The following SNAP91 variants were observed in gnomAD, a reference collection of about 807,000 sequenced individuals.
The protein encoded by SNAP91 is clathrin coat assembly protein AP180.
In SNAP91, 27 loss-of-function variants were observed where a neutral mutation model predicts 100.3. The ratio of observed to expected loss-of-function variants is 0.27; its 90% CI spans 0.20 to 0.37. The LOEUF (loss-of-function observed/expected upper bound fraction) is 0.37. Ranked by LOEUF, SNAP91 falls within the 10% of genes least tolerant of loss-of-function variation. The probability of loss-of-function intolerance (pLI) is 1.00; values close to 1 mark genes in which losing one functional copy is unlikely to be tolerated. For synonymous variants in SNAP91, 404 were observed against 398.6 expected, an observed-to-expected ratio of 1.01 and a Z score of -0.16; for missense variants, 986 against 1,123.7, an observed-to-expected ratio of 0.88 and a Z score of 1.75.
chr6:83,558,538 C>G (rs1257228852), intron 28 of SNAP91, among the ~76,000 whole-genome samples: 2 of 152,196 alleles, frequency 1.3e-5, no homozygotes, highest in African/African-American at 2.4e-5. Context: ...TTCTCTTGGT[C>G]CCTGTTGCTT....
At chr6:83,587,083 A>G (rs1379830795) in intron 22 of SNAP91, among the ~76,000 whole-genome samples, 1 of 152,194 alleles carries the variant, frequency 6.6e-6, no homozygotes, top group African/African-American at 2.4e-5. Flanking sequence ...AAGACTATCT[A>G]GTTAGTCTTT....
intron 29 of SNAP91, among the ~76,000 whole-genome samples, chr6:83,554,803 TG>T (rs1050585015): frequency 6.6e-6 from 1 of 152,196 alleles, no homozygotes; most frequent in Non-Finnish European, 1.5e-5. Flanking sequence ...CTCATCTCCC[TG>T]GCTAATTCAT....
At chr6:83,699,782 C>A (rs187513096) in intron 2 of SNAP91, among the ~76,000 whole-genome samples, 2 of 152,208 alleles carry the variant, frequency 1.3e-5, no homozygotes, top group East Asian at 3.9e-4. Context: ...TGAATGCAGC[C>A]CCCGTCAAAC....
chr6:83,597,411 C>T (rs1398116394), intron 16 of SNAP91, among the ~76,000 whole-genome samples: 1 of 152,288 alleles, frequency 6.6e-6, no homozygotes, highest in African/African-American at 2.4e-5. Context: ...GCAGCATTAT[C>T]TTTCCAGTAT....
intron 2 of SNAP91, among the ~76,000 whole-genome samples, chr6:83,670,244 C>CTTT (rs34522653): frequency 1.3e-4 from 19 of 140,760 alleles, no homozygotes; most frequent in South Asian, 2.2e-4. Flanking sequence ...TGATATGGTC[C>CTTT]TTTTTTTTTT....
chr6:83,612,311 T>G lies in SNAP91; in HGVS notation c.885-1634A>C, dbSNP rs560813484. Among the ~76,000 whole-genome samples, 163 of 152,258 alleles carry G rather than the reference T, an allele frequency of 1.1e-3. 4 individuals carry two copies. In the South Asian group the frequency reaches 0.033, roughly 30 times the overall value. ...ATTCCTTAAGAACCTAAAAATCTAG[T>G]ACAGCATACGGTGGGAAATGTCCTA... is the stretch of plus-strand genomic sequence containing the variant. On this transcript the variant is annotated intron_variant, in intron 11 of 29. Coordinates refer to ENST00000369694, the MANE Select transcript of SNAP91 (RefSeq NM_001242792.2).
At chr6:83,624,406 G>C (rs1266233226) in intron 8 of SNAP91, among the ~76,000 whole-genome samples, 1 of 152,068 alleles carries the variant, frequency 6.6e-6, no homozygotes, top group Non-Finnish European at 1.5e-5. Flanking sequence ...GTATCTCCTT[G>C]AGAAATGAAG....
At chr6:83,693,529 AC>A (rs2099158087) in intron 2 of SNAP91, among the ~76,000 whole-genome samples, 1 of 152,234 alleles carries the variant, frequency 6.6e-6, no homozygotes, top group Admixed American at 6.5e-5. Context: ...TTTCTTGGGT[AC>A]TAATATGCTT....
chr6:83,606,685 T>C (rs1179176453), intron 13 of SNAP91, among the ~76,000 whole-genome samples: 2 of 152,210 alleles, frequency 1.3e-5, no homozygotes, highest in African/African-American at 4.8e-5. Context: ...AGCAGTTTCA[T>C]CTTTATCTTT....
At chr6:83,608,481 G>T (rs1330541688) in intron 12 of SNAP91, among the ~76,000 whole-genome samples, 1 of 151,990 alleles carries the variant, frequency 6.6e-6, no homozygotes, top group Non-Finnish European at 1.5e-5. Flanking sequence ...AAACAATTTT[G>T]TCTGGTATAT....
At chr6:83,559,954 T>C in intron 28 of SNAP91, 150 bp downstream of exon 28, 1 of 665,142 alleles carries the variant, frequency 1.5e-6, no homozygotes, top group South Asian at 1.8e-5. Flanking sequence ...AATCTCACTT[T>C]TGCAGATCTG....
chr6:83,629,918 T>C (rs1045430080), intron 8 of SNAP91, among the ~76,000 whole-genome samples: 1 of 152,120 alleles, frequency 6.6e-6, no homozygotes, highest in Admixed American at 6.6e-5. Flanking sequence ...TAGGCATTCT[T>C]GTCTTGTTCC....
Position 83,659,174 on chromosome 6 carries a change from C to T in SNAP91, c.453-82G>A, listed in dbSNP as rs183197739. Reference sequence around the variant, plus strand: ...CATATGAATTGTTCTAAGCTGTTCCCCCACACCACCCCATTTCCTTATTAA... The same window carrying T: ...CATATGAATTGTTCTAAGCTGTTCCTCCACACCACCCCATTTCCTTATTAA... On this transcript the variant is annotated intron_variant, in intron 5 of 29. Coordinates refer to ENST00000369694, the MANE Select transcript of SNAP91 (RefSeq NM_001242792.2). 1,462 of 970,058 alleles carry T rather than the reference C, an allele frequency of 1.5e-3. 11 individuals are homozygous for T. In the African/African-American group the frequency reaches 0.021, roughly 14 times the overall value. The allele number at this position is 970,058 out of a possible 1,614,324, so 60.1% of individuals were successfully genotyped here.
chr6:83,563,021 C>T (rs1233634190), intron 26 of SNAP91, among the ~76,000 whole-genome samples: 1 of 152,200 alleles, frequency 6.6e-6, no homozygotes, highest in Non-Finnish European at 1.5e-5. Flanking sequence ...CTTTGCAGGT[C>T]AAGTTCTCTT....
intron 26 of SNAP91, among the ~76,000 whole-genome samples, chr6:83,568,113 A>C (rs1303795143): frequency 2.6e-5 from 4 of 152,038 alleles, no homozygotes; most frequent in Non-Finnish European, 5.9e-5. Context: ...CAACAATGAT[A>C]GACTGGATTA....
chr6:83,556,769 G>A (rs749062733), intron 28 of SNAP91, among the ~76,000 whole-genome samples: 4 of 152,234 alleles, frequency 2.6e-5, no homozygotes, highest in South Asian at 2.1e-4. Context: ...TTCCTGTAGT[G>A]AGAGTGAATT....
In SNAP91 at chr6:83,592,949, A is replaced by G. The variant is rs370500053; in HGVS notation, c.1843T>C (p.Ser615Pro). 84 of 1,579,410 alleles carry G rather than the reference A, an allele frequency of 5.3e-5. No homozygotes were observed. Among genetic ancestry groups the G allele is most frequent in the African/African-American group, 4.0e-4 (30 of 74,194 alleles). ...CTGACCTTGGCAAAGCACTCACCAG[A>G]TAAGAGGTCAGCAGTGAGAGAACTC... ...PESSLTADLLSVDAFAAPSPA... is the reference protein window; with the variant it reads ...PESSLTADLLPVDAFAAPSPA... Residue 615 changes from serine to proline, a missense_variant, in exon 20 of 30, where the codon TCT becomes CCT. By Grantham distance (74) the Ser-to-Pro change is moderately conservative. Coordinates refer to ENST00000369694, the MANE Select transcript of SNAP91 (RefSeq NM_001242792.2).
intron 2 of SNAP91, among the ~76,000 whole-genome samples, chr6:83,680,031 ATATCTCT>A (rs1254072602): frequency 2.0e-5 from 3 of 152,134 alleles, no homozygotes; most frequent in Non-Finnish European, 2.9e-5. Context: ...ACACCTCTTA[ATATCTCT>A]TTATAGCTCT....
In SNAP91 at chr6:83,709,024, C is replaced by G. The variant is rs1367362408; in HGVS notation, c.-210G>C. 1 of 153,104 alleles carries G rather than the reference C, an allele frequency of 6.5e-6. No individual in the cohort carries two copies. Among genetic ancestry groups the G allele is most frequent in the Non-Finnish European group, 1.5e-5 (1 of 68,884 alleles). 9.5% of individuals were successfully genotyped at this position (153,104 alleles called of 1,614,324 possible). Reference sequence around the variant, plus strand: ...TCCCGGCGCCCACCGCCCCTGGCCCCTGGCCCCAGAAGCCAGTACCCGCCC... The same window carrying G: ...TCCCGGCGCCCACCGCCCCTGGCCCGTGGCCCCAGAAGCCAGTACCCGCCC... On this transcript the variant is annotated 5_prime_UTR_variant, in exon 1 of 30. Coordinates refer to ENST00000369694, the MANE Select transcript of SNAP91 (RefSeq NM_001242792.2).
Sources: gnomAD v4.1 joint callset for allele counts (sites outside exome capture counted in the v4.1 genomes callset) on GRCh38, gnomAD v4.1.1 for gene constraint, MANE v1.5 for transcripts, NCBI Gene and HGNC (gene_info 2026-07-23, HGNC 2026-07-21) for gene names.